NRCAM: variants seen among roughly 807,000 people sequenced by gnomAD.
NRCAM encodes neuronal cell adhesion molecule, also known as NgCAM-related cell adhesion molecule.
NRCAM carries 83 observed loss-of-function variants against 156.5 expected under a neutral mutation model. The ratio of observed to expected loss-of-function variants is 0.53; its 90% CI spans 0.44 to 0.64. The LOEUF (loss-of-function observed/expected upper bound fraction) is 0.64. Among genes scored for constraint, NRCAM ranks in the 30% least tolerant of loss-of-function variants. The pLI, the probability that NRCAM is intolerant of heterozygous loss-of-function variation, is 0.00. For synonymous variants in NRCAM, 538 were observed against 563.9 expected, an observed-to-expected ratio of 0.95 and a Z score of 0.65; for missense variants, 1,417 against 1,597.3, an observed-to-expected ratio of 0.89 and a Z score of 1.92.
chr7:108,337,714 C>G (rs2099215405), intron 2 of NRCAM, among the ~76,000 whole-genome samples: 1 of 151,834 alleles, frequency 6.6e-6, no homozygotes, highest in Non-Finnish European at 1.5e-5. Context: ...GGTCAGAGAA[C>G]ACGAGGCTTG....
At chr7:108,372,197 A>G (rs181398719) in intron 2 of NRCAM, among the ~76,000 whole-genome samples, 3 of 152,316 alleles carry the variant, frequency 2.0e-5, no homozygotes, top group Admixed American at 2.0e-4. Context: ...TCTTATGCAC[A>G]CAAAACCCCA....
At chr7:108,321,612 G>T (rs984678621) in intron 2 of NRCAM, among the ~76,000 whole-genome samples, 1 of 152,026 alleles carries the variant, frequency 6.6e-6, no homozygotes, top group African/African-American at 2.4e-5. Flanking sequence ...CCTACCAAAG[G>T]CCCCTTGTTT....
chr7:108,440,825 C>CTGCTCACAATA (rs1333267323), intron 1 of NRCAM, among the ~76,000 whole-genome samples: 1 of 152,206 alleles, frequency 6.6e-6, no homozygotes, highest in Non-Finnish European at 1.5e-5. Flanking sequence ...AAGTCTCTGG[C>CTGCTCACAATA]TGCTCACAAT....
chr7:108,179,026 G>A (rs1206707145), intron 25 of NRCAM, among the ~76,000 whole-genome samples: 3 of 151,996 alleles, frequency 2.0e-5, no homozygotes, highest in African/African-American at 7.3e-5. Flanking sequence ...GTCTTTGTCT[G>A]GTCCTAAAAC....
At chr7:108,203,465 A>C (rs1011268086) in intron 13 of NRCAM, among the ~76,000 whole-genome samples, 3 of 151,874 alleles carry the variant, frequency 2.0e-5, no homozygotes, top group African/African-American at 7.3e-5. Flanking sequence ...TTTTTTTAAA[A>C]CAACAGCTTT....
intron 2 of NRCAM, among the ~76,000 whole-genome samples, chr7:108,367,808 C>A (rs2099601051): frequency 6.6e-6 from 1 of 151,982 alleles, no homozygotes; most frequent in East Asian, 1.9e-4. Context: ...AGTCATTTCT[C>A]CAAAATGGTT....
chr7:108,350,051 T>C (rs1020113004), intron 2 of NRCAM, among the ~76,000 whole-genome samples: 2 of 152,172 alleles, frequency 1.3e-5, no homozygotes, highest in African/African-American at 4.8e-5. Flanking sequence ...TTCTCTCCTG[T>C]CTCAGGGCCT....
chr7:108,353,306 TCTTCTTTCTTCTTTCTTC>T (rs544582240), intron 2 of NRCAM, among the ~76,000 whole-genome samples: 5 of 152,002 alleles, frequency 3.3e-5, no homozygotes, highest in Non-Finnish European at 5.9e-5. Flanking sequence ...GTATTTTTCT[TCTTCTTTCTTCTTTCTTC>T]CTTCTTTCTT....
chr7:108,194,499 G>T, intron 15 of NRCAM, 71 bp from the exon 16 acceptor site: 1 of 1,056,332 alleles, frequency 9.5e-7, no homozygotes, highest in Non-Finnish European at 1.4e-6. Flanking sequence ...AAAATGCCAT[G>T]TTCAAGGTCA....
At chr7:108,380,178 G>A (rs1341042837) in intron 2 of NRCAM, among the ~76,000 whole-genome samples, 1 of 152,042 alleles carries the variant, frequency 6.6e-6, no homozygotes, top group Non-Finnish European at 1.5e-5. Context: ...GAATACTGTT[G>A]GCATTGAAAA....
At chr7:108,326,950 T>C (rs12154880) in intron 2 of NRCAM, among the ~76,000 whole-genome samples, 10,490 of 152,258 alleles carry the variant, frequency 0.069, 477 homozygotes, top group Non-Finnish European at 0.1. Context: ...TTGACTTCTT[T>C]AAACAACACT....
At chr7:108,311,962 G>C (rs1195644239) in intron 3 of NRCAM, among the ~76,000 whole-genome samples, 2 of 152,116 alleles carry the variant, frequency 1.3e-5, no homozygotes, top group Non-Finnish European at 2.9e-5. Flanking sequence ...TTGAGATACA[G>C]TTCTCTGAAC....
chr7:108,178,087 C>G lies in NRCAM; in HGVS notation c.2877G>C (p.Lys959Asn), dbSNP rs1263502184. The change falls in exon 26 of 33, where the codon AAG becomes AAC. Residue 959 changes from lysine (K) to asparagine (N), a missense_variant. Physicochemically the swap from Lys to Asn is moderately conservative, Grantham distance 94 (BLOSUM62 0). Coordinates refer to ENST00000379028, the MANE Select transcript of NRCAM (RefSeq NM_001037132.4). ...GAGAGTCCAGTGTTGGATTCACAAT[C>G]TTCAAAGACGAGGGAGCACTGGGGA... Reference protein sequence around the residue: ...EGVPSAPSSLKIVNPTLDSLT... With the variant: ...EGVPSAPSSLNIVNPTLDSLT... 6.2e-7 allele frequency: 1 copy of G among 1,613,426 alleles called. No homozygotes were observed. Among genetic ancestry groups the G allele is most frequent in the East Asian group, 2.2e-5 (1 of 44,866 alleles).
intron 3 of NRCAM, among the ~76,000 whole-genome samples, chr7:108,282,383 T>C (rs576302457): frequency 6.6e-6 from 1 of 152,182 alleles, no homozygotes; most frequent in African/African-American, 2.4e-5. Context: ...GGAGACATGA[T>C]TACCAGAAAC....
chr7:108,171,239 G>A (rs1028016289), intron 28 of NRCAM, among the ~76,000 whole-genome samples: 5 of 151,692 alleles, frequency 3.3e-5, no homozygotes, highest in Non-Finnish European at 7.4e-5. Context: ...TGTAGATACC[G>A]CCAGTGTAGT....
chr7:108,367,184 G>C (rs1440877967), intron 2 of NRCAM, among the ~76,000 whole-genome samples: 6 of 152,086 alleles, frequency 3.9e-5, no homozygotes, highest in Admixed American at 3.9e-4. Context: ...TACAAAGAAA[G>C]GTACCTGCTT....
intron 1 of NRCAM, among the ~76,000 whole-genome samples, chr7:108,432,852 C>G (rs1827164040): frequency 6.6e-6 from 1 of 151,612 alleles, no homozygotes; most frequent in Non-Finnish European, 1.5e-5. Flanking sequence ...CCGTAAGCAC[C>G]ACTGCACTCC....
At chr7:108,184,932 T>C (rs2065789260) in intron 20 of NRCAM, among the ~76,000 whole-genome samples, 1 of 152,118 alleles carries the variant, frequency 6.6e-6, no homozygotes, top group South Asian at 2.1e-4. Flanking sequence ...TAAACAGTTT[T>C]AGATTTTACC....
intron 2 of NRCAM, among the ~76,000 whole-genome samples, chr7:108,333,246 A>C (rs1001874829): frequency 3.3e-5 from 5 of 152,038 alleles, no homozygotes; most frequent in African/African-American, 1.2e-4. Context: ...AATTTTTCCT[A>C]CCTCTTTCTC....
Sources: gnomAD v4.1 joint callset for allele counts (sites outside exome capture counted in the v4.1 genomes callset) on GRCh38, gnomAD v4.1.1 for gene constraint, MANE v1.5 for transcripts, NCBI Gene and HGNC (gene_info 2026-07-23, HGNC 2026-07-21) for gene names.